The following TNKS2 variants were observed in gnomAD, a reference collection of about 807,000 sequenced individuals.
TNKS2 encodes the protein poly [ADP-ribose] polymerase tankyrase-2.
TNKS2 carries 72 observed loss-of-function variants against 137.6 expected under a neutral mutation model. The ratio of observed to expected loss-of-function variants is 0.52; its 90% CI spans 0.43 to 0.64. The LOEUF is 0.64. TNKS2 is among the 30% of genes least tolerant of loss of function. TNKS2 has a pLI of 0.00. For missense variants in TNKS2, 1,049 were observed against 1,410.2 expected (o/e 0.74, Z 4.10); for synonymous variants, 516 against 512.1 (o/e 1.01, Z -0.10).
intron 12 of TNKS2, among the ~76,000 whole-genome samples, chr10:91,835,746 C>G (rs1322409558): frequency 6.6e-6 from 1 of 151,330 alleles, no homozygotes; most frequent in African/African-American, 2.4e-5. Context: ...TCGTGCCTCA[C>G]CCTCCTGAGT....
At chr10:91,811,570 C>G (rs1844506869) in intron 1 of TNKS2, among the ~76,000 whole-genome samples, 2 of 152,172 alleles carry the variant, frequency 1.3e-5, no homozygotes, top group Admixed American at 1.3e-4. Context: ...AGATACTCAT[C>G]TTTGTGACCA....
At chr10:91,821,586 A>G (rs1414188828) in intron 6 of TNKS2, among the ~76,000 whole-genome samples, 1 of 152,222 alleles carries the variant, frequency 6.6e-6, no homozygotes, top group Non-Finnish European at 1.5e-5. Context: ...AAAAGCTTCA[A>G]GATAGAAGTC....
chr10:91,831,071 A>G (rs1458783681), intron 10 of TNKS2, 32 bp from the exon 11 acceptor site: 3 of 1,612,834 alleles, frequency 1.9e-6, no homozygotes, highest in African/African-American at 1.3e-5. Flanking sequence ...TGGAAAATAT[A>G]TTCACTGTCT....
At chr10:91,853,180 A>T (rs901139924) in intron 21 of TNKS2, among the ~76,000 whole-genome samples, 1 of 152,218 alleles carries the variant, frequency 6.6e-6, no homozygotes, top group Non-Finnish European at 1.5e-5. Flanking sequence ...TGTATTAAAC[A>T]TATCATAGCT....
chr10:91,826,888 T>C lies in TNKS2; in HGVS notation c.796-129T>C, dbSNP rs879173606. 5.9e-6 allele frequency: 5 copies of C among 840,698 alleles called. No homozygotes were observed. The South Asian group carries it at 2.2e-4, about 38-fold the overall frequency. The allele number at this position is 840,698 out of a possible 1,614,324, so 52.1% of individuals were successfully genotyped here. A position where few individuals can be genotyped will look rare whatever the true frequency, so the allele number is the denominator to read the frequency against. On this transcript the variant is annotated intron_variant, in intron 7 of 26. Transcript: ENST00000371627. ...GGAAAAATGTATACTCATTCTGAAATAATTGGCTCAAAAAGTGAACTTTGG... is the reference window on the plus strand; with the variant it reads ...GGAAAAATGTATACTCATTCTGAAACAATTGGCTCAAAAAGTGAACTTTGG...
Position 91,859,532 on chromosome 10 carries a change from T to A in TNKS2, c.3165T>A (p.Phe1055Leu). 1 of 1,614,094 alleles carries A rather than the reference T, an allele frequency of 6.2e-7. No homozygotes were observed. Among genetic ancestry groups the A allele is most frequent in the Non-Finnish European group, 8.5e-7 (1 of 1,179,960 alleles). ...DERHAYIGGM[F>L]GAGIYFAENS... ...GGCATGCGTACATAGGTGGTATGTT[T>A]GGAGCTGGCATTTATTTTGCTGAAA... The change falls in exon 25 of 27, where the codon TTT (phenylalanine) becomes TTA (leucine). Residue 1055 changes from phenylalanine (F) to leucine (L), a missense_variant. Physicochemically the swap from Phe to Leu is conservative, Grantham distance 22 (BLOSUM62 0). Coordinates refer to ENST00000371627, the MANE Select transcript of TNKS2 (RefSeq NM_025235.4).
At position 91,837,647 on chromosome 10, in the gene TNKS2, G is replaced by A. The variant is rs1237529603; in HGVS notation, c.1527+649G>A. Among the ~76,000 whole-genome samples the A allele has an allele frequency of 3.3e-5, 5 of 152,170 alleles. No individual in the cohort carries two copies. The South Asian group carries it at 8.3e-4, about 25-fold the overall frequency. On this transcript the variant is annotated intron_variant, in intron 13 of 26. Coordinates refer to ENST00000371627, the MANE Select transcript of TNKS2 (RefSeq NM_025235.4). ...GGCTGAGGCGGGTGGATCACCTGAGGTTAGGAGTTTCAGACCAGCCTGGCC... is the reference window on the plus strand; with the variant it reads ...GGCTGAGGCGGGTGGATCACCTGAGATTAGGAGTTTCAGACCAGCCTGGCC...
In TNKS2 at chr10:91,861,988, T is replaced by C. The variant is rs987613878; in HGVS notation, c.3282-11T>C. 1.3e-6 allele frequency: 2 copies of C among 1,599,428 alleles called. No individual in the cohort carries two copies. Among genetic ancestry groups the C allele is most frequent in the Non-Finnish European group, 1.7e-6 (2 of 1,172,944 alleles). On this transcript the variant is annotated splice_polypyrimidine_tract_variant and intron_variant, in intron 25 of 26. Transcript: ENST00000371627. ...TGACTTCAGGGTGATCTTTTCCTTT[T>C]CGTTTTATAGGCAGCTGCTCTTTTG...
intron 1 of TNKS2, among the ~76,000 whole-genome samples, chr10:91,808,204 A>C (rs892757434): frequency 1.1e-4 from 16 of 151,820 alleles, no homozygotes; most frequent in African/African-American, 3.9e-4. Context: ...TGGGATGGTC[A>C]GGGATAGCCT....
chr10:91,861,005 G>A (rs1309362344), intron 25 of TNKS2, among the ~76,000 whole-genome samples: 2 of 152,182 alleles, frequency 1.3e-5, no homozygotes, highest in Non-Finnish European at 2.9e-5. Context: ...CTGGTCTACA[G>A]AAATCTCCTG....
At chr10:91,847,822 A>G in intron 18 of TNKS2, among the ~76,000 whole-genome samples, 1 of 152,248 alleles carries the variant, frequency 6.6e-6, no homozygotes, top group East Asian at 1.9e-4. Flanking sequence ...GAGTAACTAC[A>G]ATAGGACTAA....
At chr10:91,811,833 G>T (rs1280986704) in intron 1 of TNKS2, among the ~76,000 whole-genome samples, 1 of 152,182 alleles carries the variant, frequency 6.6e-6, no homozygotes, top group East Asian at 1.9e-4. Context: ...ACCAAGGCGG[G>T]TGGATCATGA....
chr10:91,798,895 C>T lies in TNKS2; in HGVS notation c.199+6C>T, dbSNP rs1261027897. On this transcript the variant is annotated splice_donor_region_variant and intron_variant, in intron 1 of 26. Transcript: ENST00000371627. ...CCCGCTGCACTTCGCCGCAGGTAAC[C>T]GGGGCCAGCGTCCCCTCGCCTCGCT... 7.3e-7 allele frequency: 1 copy of T among 1,378,008 alleles called. No homozygotes were observed. 85.4% of individuals were successfully genotyped at this position (1,378,008 alleles called of 1,614,324 possible).
chr10:91,857,050 A>G (rs1842726280), intron 23 of TNKS2, among the ~76,000 whole-genome samples: 1 of 152,206 alleles, frequency 6.6e-6, no homozygotes, highest in Non-Finnish European at 1.5e-5. Flanking sequence ...GAACTCAGAC[A>G]AATACATTGG....
At chr10:91,803,847 G>T (rs1015276509) in intron 1 of TNKS2, among the ~76,000 whole-genome samples, 2 of 152,148 alleles carry the variant, frequency 1.3e-5, no homozygotes, top group Non-Finnish European at 2.9e-5. Context: ...TTTAGATATT[G>T]CAAGACATCA....
intron 18 of TNKS2, 123 bp downstream of exon 18, chr10:91,846,063 T>C: frequency 1.6e-6 from 1 of 637,924 alleles, no homozygotes; most frequent in Non-Finnish European, 2.4e-6. Context: ...AGCCTGATTT[T>C]AATGTAAGAG....
intron 16 of TNKS2, among the ~76,000 whole-genome samples, chr10:91,842,633 G>A (rs1049500289): frequency 3.3e-5 from 5 of 152,100 alleles, no homozygotes; most frequent in Admixed American, 1.3e-4. Flanking sequence ...AAATTAGCCA[G>A]GAGTGGTGGT....
chr10:91,822,382 C>A lies in TNKS2; in HGVS notation c.795+20C>A, dbSNP rs1171339775. On this transcript the variant is annotated intron_variant, in intron 7 of 26. Coordinates refer to ENST00000371627, the MANE Select transcript of TNKS2 (RefSeq NM_025235.4). ...GTCAAGGTTAGTGCTCTTGTACTCT[C>A]CTAATTACTTTCTAGAGTTATATAA... 1 of 1,575,750 alleles carries A rather than the reference C, an allele frequency of 6.3e-7. No individual in the cohort carries two copies. Among genetic ancestry groups the A allele is most frequent in the Non-Finnish European group, 8.7e-7 (1 of 1,147,336 alleles).
chr10:91,842,534 G>A (rs1842240437), intron 16 of TNKS2, 143 bp downstream of exon 16: 3 of 740,910 alleles, frequency 4.0e-6, no homozygotes, highest in Non-Finnish European at 6.5e-6. Context: ...AACACTTTAT[G>A]AGGCTAAGGC....
Sources: allele counts gnomAD v4.1 joint callset (sites outside exome capture counted in the v4.1 genomes callset), GRCh38; gene constraint gnomAD v4.1.1; transcripts MANE v1.5; gene names NCBI Gene and HGNC (gene_info 2026-07-23, HGNC 2026-07-21).